RAPGEF2: variants seen among roughly 807,000 people sequenced by gnomAD.
RAPGEF2 encodes PDZ domain containing guanine nucleotide exchange factor (GEF) 1.
Under a neutral mutation model 186.7 loss-of-function variants are expected in RAPGEF2, and 54 were observed. The ratio of observed to expected loss-of-function variants is 0.29; its 90% CI spans 0.23 to 0.36. The LOEUF is 0.36. Among genes scored for constraint, RAPGEF2 ranks in the 10% least tolerant of loss-of-function variants. The probability of loss-of-function intolerance (pLI) is 1.00; values close to 1 mark genes in which losing one functional copy is unlikely to be tolerated. For synonymous variants in RAPGEF2, 712 were observed against 705.9 expected, an observed-to-expected ratio of 1.01 and a Z score of -0.14; for missense variants, 1,532 against 2,045.0, an observed-to-expected ratio of 0.75 and a Z score of 4.84.
At chr4:159,178,512 A>G (rs932702215) in intron 1 of RAPGEF2, among the ~76,000 whole-genome samples, 10 of 131,664 alleles carry the variant, frequency 7.6e-5, no homozygotes, top group Admixed American at 2.3e-4. Context: ...GATGTGGGGT[A>G]CTCTCCCTCT....
At chr4:159,336,107 G>C (rs1026659999) in intron 17 of RAPGEF2, among the ~76,000 whole-genome samples, 1 of 151,484 alleles carries the variant, frequency 6.6e-6, no homozygotes, top group Non-Finnish European at 1.5e-5. Flanking sequence ...ATTTAATTTT[G>C]TCCCGGACTG....
chr4:159,165,548 G>T (rs1414804417), intron 1 of RAPGEF2, among the ~76,000 whole-genome samples: 1 of 152,134 alleles, frequency 6.6e-6, no homozygotes, highest in East Asian at 1.9e-4. Context: ...TTCATATCAG[G>T]TTGAATATAA....
chr4:159,351,722 T>C (rs1731201289), intron 26 of RAPGEF2, among the ~76,000 whole-genome samples: 1 of 152,040 alleles, frequency 6.6e-6, no homozygotes, highest in Non-Finnish European at 1.5e-5. Context: ...ACAGGCTGAT[T>C]ACCTGAGGCC....
chr4:159,340,835 T>G (rs911950146), intron 19 of RAPGEF2, among the ~76,000 whole-genome samples: 1 of 151,962 alleles, frequency 6.6e-6, no homozygotes, highest in African/African-American at 2.4e-5. Flanking sequence ...AACAAACATC[T>G]TAATGCTATT....
intron 1 of RAPGEF2, among the ~76,000 whole-genome samples, chr4:159,150,697 C>T (rs1293506808): frequency 6.6e-6 from 1 of 152,154 alleles, no homozygotes; most frequent in Admixed American, 6.5e-5. Context: ...TGTGCATGTC[C>T]CTTGAATGAC....
intron 7 of RAPGEF2, among the ~76,000 whole-genome samples, chr4:159,251,339 T>C (rs11932332): frequency 0.27 from 40,942 of 152,250 alleles, 6,407 homozygotes; most frequent in African/African-American, 0.43. Context: ...TGGGGAGCTC[T>C]GCCCGCGTCC....
intron 7 of RAPGEF2, among the ~76,000 whole-genome samples, chr4:159,296,689 G>A (rs144789160): frequency 1.7e-4 from 26 of 152,230 alleles, no homozygotes; most frequent in Non-Finnish European, 3.1e-4. Flanking sequence ...TTAGAGTAGG[G>A]CCTGTCACAT....
chr4:159,353,749 T>G lies in RAPGEF2; in HGVS notation c.4354T>G (p.Ser1452Ala). 1 of 1,613,340 alleles carries G rather than the reference T, an allele frequency of 6.2e-7. No individual in the cohort carries two copies. Among genetic ancestry groups the G allele is most frequent in the Non-Finnish European group, 8.5e-7 (1 of 1,179,670 alleles). The change falls in exon 28 of 30, where the codon TCA becomes GCA. Residue 1452 changes from serine (S) to alanine (A), a missense_variant. Ser to Ala is a moderately conservative substitution (Grantham distance 99). This residue lies in a region of RAPGEF2 where 594 missense variants were observed against 608.5 expected (regional missense o/e 0.98). Transcript: ENST00000691494. This position sits in a 1 kb window ranked among gnomAD's most constrained non-coding sequence, Gnocchi z 4.3. ...YSGDPAGLWASSSHMDQIMFS... is the reference protein window; with the variant it reads ...YSGDPAGLWAASSHMDQIMFS... ...AGGGGATCCTGCAGGTTTATGGGCA[T>G]CAAGCAGCCATATGGACCAAATTAT...
At position 159,356,149 on chromosome 4, in the gene RAPGEF2, G is replaced by C; in HGVS notation, c.4948G>C (p.Glu1650Gln). The change falls in exon 29 of 30, where the codon GAG becomes CAG. Residue 1650 changes from glutamate (E) to glutamine (Q), a missense_variant. Around this residue, in one of 4 missense-constraint regions of RAPGEF2, gnomAD observed 594 missense variants for 608.5 expected, o/e 0.98. Coordinates refer to ENST00000691494, the MANE Select transcript of RAPGEF2 (RefSeq NM_001394067.2). ...APYQSQGFST[E>Q]EDEDEQVSAV ...CTATCAGTCCCAAGGGTTTTCCACC[G>C]AGGAGGATGGTATATGCACATAAAT... The C allele has an allele frequency of 6.2e-7, 1 of 1,613,580 alleles. No individual in the cohort carries two copies. The highest frequency in any genetic ancestry group is 8.5e-7 in the Non-Finnish European group (1 of 1,179,598).
chr4:159,318,528 G>C (rs1012797832), intron 9 of RAPGEF2, among the ~76,000 whole-genome samples: 4 of 152,176 alleles, frequency 2.6e-5, no homozygotes, highest in African/African-American at 9.7e-5. Flanking sequence ...ATTTTTGCGA[G>C]CTGCAGGAAG....
intron 1 of RAPGEF2, among the ~76,000 whole-genome samples, chr4:159,160,056 T>G (rs1191627277): frequency 1.3e-5 from 2 of 152,232 alleles, no homozygotes; most frequent in African/African-American, 4.8e-5. Context: ...CTTACATAGT[T>G]GTTTTAGTCT....
intron 7 of RAPGEF2, among the ~76,000 whole-genome samples, chr4:159,295,746 TGTGTGTGTGCGCGCGCGCGCGCGCGCGC>T (rs1761901031): frequency 2.4e-5 from 3 of 125,568 alleles, no homozygotes; most frequent in Non-Finnish European, 5.1e-5. Context: ...TGTGTGTGTG[TGTGTGTGTGCGCGCGCGCGCGCGCGCGC>T]ATGCACATAA....
chr4:159,331,288 T>C, intron 13 of RAPGEF2, 143 bp from the exon 14 acceptor site: 1 of 572,102 alleles, frequency 1.7e-6, no homozygotes. Context: ...TCATCCTCAT[T>C]TAAGATTTTA....
At chr4:159,279,547 C>T (rs1280970494) in intron 7 of RAPGEF2, among the ~76,000 whole-genome samples, 1 of 152,194 alleles carries the variant, frequency 6.6e-6, no homozygotes, top group Non-Finnish European at 1.5e-5. Context: ...TGTAGAGTAA[C>T]TTTACCTTGA....
intron 7 of RAPGEF2, among the ~76,000 whole-genome samples, chr4:159,292,157 A>G (rs532061070): frequency 2.0e-5 from 3 of 152,258 alleles, no homozygotes; most frequent in South Asian, 2.1e-4. Flanking sequence ...GTGGCTTCCC[A>G]TCTCATTCAG....
At position 159,226,598 on chromosome 4, in the gene RAPGEF2, A is replaced by G. The variant is rs116582697; in HGVS notation, c.282-12211A>G. Reference sequence around the variant, plus strand: ...TATCTTAACAATATTGAGCTTTCCAAACCGCGAACTCTTTCTCCATTTAAG... The same window carrying G: ...TATCTTAACAATATTGAGCTTTCCAGACCGCGAACTCTTTCTCCATTTAAG... On this transcript the variant is annotated intron_variant, in intron 4 of 29. Coordinates refer to ENST00000691494, the MANE Select transcript of RAPGEF2 (RefSeq NM_001394067.2). Among the ~76,000 whole-genome samples the G allele has an allele frequency of 1.5e-3, 222 of 152,348 alleles. 1 individual carries two copies. Among genetic ancestry groups the G allele is most frequent in the African/African-American group, 5.1e-3 (211 of 41,586 alleles).
intron 26 of RAPGEF2, 135 bp from the exon 27 acceptor site, chr4:159,352,550 C>A: frequency 1.5e-6 from 1 of 657,198 alleles, no homozygotes; most frequent in South Asian, 1.9e-5. Flanking sequence ...GTGGTCTCTA[C>A]AAGTGAAATG....
chr4:159,270,367 C>CT (rs1191787819), intron 7 of RAPGEF2, among the ~76,000 whole-genome samples: 1 of 152,210 alleles, frequency 6.6e-6, no homozygotes, highest in Non-Finnish European at 1.5e-5. Flanking sequence ...GAAGGCCCCT[C>CT]TTTCATCCTA....
At chr4:159,259,568 G>A (rs1401062499) in intron 7 of RAPGEF2, among the ~76,000 whole-genome samples, 3 of 152,144 alleles carry the variant, frequency 2.0e-5, no homozygotes, top group Non-Finnish European at 2.9e-5. Flanking sequence ...AGGGATGACC[G>A]TGTAACTAGT....
Sources: allele counts gnomAD v4.1 joint callset (sites outside exome capture counted in the v4.1 genomes callset), GRCh38; gene constraint gnomAD v4.1.1; regional missense constraint gnomAD v4.1.1; non-coding constraint Gnocchi (gnomAD v3.1); transcripts MANE v1.5; gene names NCBI Gene and HGNC (gene_info 2026-07-23, HGNC 2026-07-21).